Variants in PLD1 observed in about 807,000 individuals in gnomAD.
The protein encoded by PLD1 is choline phosphatase 1.
PLD1 carries 112 observed loss-of-function variants against 137.1 expected under a neutral mutation model. The observed-to-expected ratio is 0.82, with a 90% CI of 0.70 to 0.96. The LOEUF is 0.96. Ranked by LOEUF, PLD1 falls within the 40% of genes least tolerant of loss-of-function variation. The probability of loss-of-function intolerance (pLI) is 0.00; values close to 1 mark genes in which losing one functional copy is unlikely to be tolerated. For synonymous variants in PLD1, 431 were observed against 454.7 expected (o/e 0.95, Z 0.66); for missense variants, 1,321 against 1,342.0 (o/e 0.98, Z 0.24).
At position 171,748,345 on chromosome 3, in the gene PLD1, G is replaced by A. The variant is rs150936910; in HGVS notation, c.-31-10263C>T. Among the ~76,000 whole-genome samples, 22 of 152,264 alleles carry A rather than the reference G, an allele frequency of 1.4e-4. No homozygotes were observed. The East Asian group carries it at 4.0e-3, about 28-fold the overall frequency. ...GTAGTTAATATTGCTAAAAACTGTG[G>A]TCAGACTTCTAAAATTAACATCCTT... On this transcript the variant is annotated intron_variant, in intron 1 of 26. Coordinates refer to ENST00000351298, the MANE Select transcript of PLD1 (RefSeq NM_002662.5).
chr3:171,763,752 G>C (rs1246082447), intron 1 of PLD1, among the ~76,000 whole-genome samples: 1 of 150,944 alleles, frequency 6.6e-6, no homozygotes, highest in Non-Finnish European at 1.5e-5. Context: ...ATTCTTGTAA[G>C]CCAATTCAAA....
chr3:171,773,775 G>A (rs1051124036), intron 1 of PLD1, among the ~76,000 whole-genome samples: 2 of 151,838 alleles, frequency 1.3e-5, no homozygotes, highest in East Asian at 1.9e-4. Flanking sequence ...TTGAGACGGA[G>A]TCTCGCTCTG....
Position 171,603,113 on chromosome 3 carries a change from T to A in PLD1, c.3190A>T (p.Lys1064Ter). The part of the protein sequence containing the change: ...EESLLPSVGT[K>*]EAIVPMEVWT Reference sequence around the variant, plus strand: ...ACCTCCATGGGCACTATGGCCTCTTTGGTCCCAACAGAAGGCAGTAGGCTT... The same window carrying A: ...ACCTCCATGGGCACTATGGCCTCTTAGGTCCCAACAGAAGGCAGTAGGCTT... The change falls in exon 27 of 27, where the codon AAA becomes TAA. Residue 1064 changes from lysine (K) to a stop codon, truncating the protein, a stop_gained. Transcript: ENST00000351298. LOFTEE classifies it high-confidence loss of function. The A allele has an allele frequency of 6.2e-7, 1 of 1,614,008 alleles. No individual in the cohort carries two copies. The highest frequency in any genetic ancestry group is 8.5e-7 in the Non-Finnish European group (1 of 1,179,962).
intron 1 of PLD1, among the ~76,000 whole-genome samples, chr3:171,801,587 C>T (rs566843301): frequency 7.4e-4 from 112 of 152,334 alleles, no homozygotes; most frequent in African/African-American, 2.4e-3. Context: ...CACCACCACA[C>T]GCAGCTAATT....
chr3:171,699,657 T>C (rs2108541034), intron 12 of PLD1, 88 bp downstream of exon 12: 2 of 892,740 alleles, frequency 2.2e-6, no homozygotes, highest in Admixed American at 2.0e-5. Context: ...TGAAAAGTTA[T>C]ACGTGTGAAA....
At chr3:171,625,902 A>G (rs1479405302) in intron 23 of PLD1, among the ~76,000 whole-genome samples, 1 of 152,208 alleles carries the variant, frequency 6.6e-6, no homozygotes, top group Admixed American at 6.5e-5. Context: ...AAGATGGGGA[A>G]AAAACAGAGC....
intron 1 of PLD1, among the ~76,000 whole-genome samples, chr3:171,778,261 C>G (rs751357512): frequency 4.6e-5 from 7 of 152,164 alleles, no homozygotes; most frequent in Non-Finnish European, 1.0e-4. Flanking sequence ...CAAGGTCAGG[C>G]ATTCAACACG....
Position 171,677,692 on chromosome 3 carries a change from T to C in PLD1, c.1870A>G (p.Thr624Ala), listed in dbSNP as rs1353776696. 4 of 1,613,668 alleles carry C rather than the reference T, an allele frequency of 2.5e-6. No individual in the cohort carries two copies. In the African/African-American group the frequency reaches 5.3e-5, roughly 22 times the overall value. The part of the protein sequence containing the change: ...EQGLTRPHAD[T>A]GSIRSLQTGV... ...GTCTGTAAACTACGGATGGACCCGG[T>C]ATCTGTGAATGCAGCAAGACCCCCT... The change falls in exon 17 of 27, where the codon ACC becomes GCC. Residue 624 changes from threonine (T) to alanine (A), a missense_variant and splice_region_variant. By Grantham distance (58) the Thr-to-Ala change is moderately conservative. Transcript: ENST00000351298.
intron 21 of PLD1, among the ~76,000 whole-genome samples, chr3:171,652,141 C>T (rs2422376): frequency 0.17 from 26,530 of 151,912 alleles, 2,426 homozygotes; most frequent in South Asian, 0.24. Flanking sequence ...TGGCCAGGCG[C>T]GGTGGCTCAT....
intron 20 of PLD1, among the ~76,000 whole-genome samples, chr3:171,660,614 T>A (rs1298560296): frequency 2.6e-5 from 4 of 152,180 alleles, no homozygotes; most frequent in Admixed American, 2.0e-4. Context: ...TTATTTTTTT[T>A]ATTTTTTTGA....
At chr3:171,795,069 A>G (rs1723377750) in intron 1 of PLD1, among the ~76,000 whole-genome samples, 1 of 152,252 alleles carries the variant, frequency 6.6e-6, no homozygotes, top group South Asian at 2.1e-4. Flanking sequence ...CCTTTGTTTA[A>G]AATCTCTCAA....
intron 21 of PLD1, among the ~76,000 whole-genome samples, chr3:171,658,738 G>C (rs1286028091): frequency 6.6e-6 from 1 of 151,992 alleles, no homozygotes; most frequent in East Asian, 1.9e-4. Context: ...GCAACTCTGT[G>C]AATACACTAA....
chr3:171,803,436 G>A (rs147283533), intron 1 of PLD1, among the ~76,000 whole-genome samples: 109 of 152,320 alleles, frequency 7.2e-4, no homozygotes, highest in African/African-American at 2.4e-3. Context: ...AACCAGGTCC[G>A]GGTGGAGGAG....
At chr3:171,745,396 G>A (rs189600523) in intron 1 of PLD1, among the ~76,000 whole-genome samples, 1 of 152,250 alleles carries the variant, frequency 6.6e-6, no homozygotes, top group South Asian at 2.1e-4. Context: ...CCTCCAGATG[G>A]GCTGGGTCCA....
chr3:171,627,295 A>G (rs1045552180), intron 23 of PLD1, among the ~76,000 whole-genome samples: 2 of 152,098 alleles, frequency 1.3e-5, no homozygotes, highest in African/African-American at 4.8e-5. Context: ...GGATCAATTC[A>G]ACAAGAAGAG....
Position 171,749,986 on chromosome 3 carries a change from A to C in PLD1, c.-31-11904T>G, listed in dbSNP as rs556994584. 5.0e-4 allele frequency among the ~76,000 whole-genome samples: 76 copies of C among 152,348 alleles called. 1 individual carries two copies. Among genetic ancestry groups the C allele is most frequent in the African/African-American group, 1.7e-3 (70 of 41,588 alleles). On this transcript the variant is annotated intron_variant, in intron 1 of 26. Coordinates refer to ENST00000351298, the MANE Select transcript of PLD1 (RefSeq NM_002662.5). ...TGGAAAACAAAACTAAACTCAACAA[A>C]AAATCCCAACTCTGGAAAGAAGTAT...
At chr3:171,735,004 C>A (rs760826324) in intron 4 of PLD1, 34 bp from the exon 5 acceptor site, 2 of 1,152,520 alleles carry the variant, frequency 1.7e-6, no homozygotes, top group Non-Finnish European at 2.6e-6. Context: ...CAAACACCTA[C>A]TAGATTATTC....
chr3:171,648,691 G>A (rs1176578176), intron 21 of PLD1, among the ~76,000 whole-genome samples: 1 of 151,886 alleles, frequency 6.6e-6, no homozygotes, highest in Non-Finnish European at 1.5e-5. Context: ...AGTAGCTGGC[G>A]CTACAATCGT....
chr3:171,698,580 T>A (rs1187876074), intron 12 of PLD1, among the ~76,000 whole-genome samples: 3 of 151,796 alleles, frequency 2.0e-5, no homozygotes, highest in African/African-American at 7.3e-5. Flanking sequence ...AAAGAAGAAA[T>A]GAGTGAAAGC....
Sources: gnomAD v4.1 joint callset for allele counts (sites outside exome capture counted in the v4.1 genomes callset) on GRCh38, gnomAD v4.1.1 for gene constraint, MANE v1.5 for transcripts, NCBI Gene and HGNC (gene_info 2026-07-23, HGNC 2026-07-21) for gene names.